BICRA: variants seen among roughly 807,000 people sequenced by gnomAD.
BICRA encodes the protein BRD4-interacting chromatin-remodeling complex-associated protein.
In BICRA, 31 loss-of-function variants were observed where a neutral mutation model predicts 96.9. The ratio of observed to expected loss-of-function variants is 0.32; its 90% confidence interval spans 0.24 to 0.43. The LOEUF (loss-of-function observed/expected upper bound fraction) is 0.43. BICRA is among the 20% of genes least tolerant of loss of function. BICRA has a pLI of 1.00. For missense variants in BICRA, 2,283 were observed against 2,190.3 expected, an observed-to-expected ratio of 1.04 and a Z score of -0.84; for synonymous variants, 1,350 against 1,071.8, an observed-to-expected ratio of 1.26 and a Z score of -5.07.
chr19:47,629,650 T>G (rs1972191369), intron 1 of BICRA, among the ~76,000 whole-genome samples: 1 of 149,156 alleles, frequency 6.7e-6, no homozygotes, highest in Non-Finnish European at 1.5e-5. Context: ...TGTGCAAATA[T>G]CTATTTTTTT....
At chr19:47,620,667 C>CA (rs10675281) in intron 1 of BICRA, among the ~76,000 whole-genome samples, 31,934 of 67,666 alleles carry the variant, frequency 0.47, 8,377 homozygotes, top group Middle Eastern at 0.6. Context: ...GAGACTGTCT[C>CA]AAAAAAAAAA....
intron 5 of BICRA, among the ~76,000 whole-genome samples, chr19:47,676,248 CAG>C (rs1317173586): frequency 6.6e-6 from 1 of 151,990 alleles, no homozygotes; most frequent in South Asian, 2.1e-4. Context: ...GTGGGGTTCA[CAG>C]GGGCACTCCT....
At position 47,701,488 on chromosome 19, in the gene BICRA, G is replaced by C. The variant is rs780098215; in HGVS notation, c.3756G>C (p.Gly1252=). Reference sequence around the variant, plus strand: ...CCAAGCTTGTGATCCGGCACGGCGGGGCAGGCGGCTCCCCTTCGGTCACCT... The same window carrying C: ...CCAAGCTTGTGATCCGGCACGGCGGCGCAGGCGGCTCCCCTTCGGTCACCT... ...LPTKLVIRHG[G]AGGSPSVTWA... is the part of the protein sequence containing the mutation. The change falls in exon 15 of 15, where the codon GGG becomes GGC. Residue 1252 remains glycine, a synonymous_variant. Coordinates refer to ENST00000594866, the MANE Select transcript of BICRA (RefSeq NM_001394372.1). This position sits in a 1 kb window ranked among gnomAD's most constrained non-coding sequence, Gnocchi z 5.4. 6.5e-7 allele frequency: 1 copy of C among 1,549,868 alleles called. No individual in the cohort carries two copies. The highest frequency in any genetic ancestry group is 8.7e-7 in the Non-Finnish European group (1 of 1,147,818).
chr19:47,689,248 A>G (rs918690973), intron 7 of BICRA, among the ~76,000 whole-genome samples: 1 of 151,838 alleles, frequency 6.6e-6, no homozygotes, highest in South Asian at 2.1e-4. Flanking sequence ...TTTTATTCAC[A>G]TAGTATGATC....
intron 1 of BICRA, among the ~76,000 whole-genome samples, chr19:47,642,836 T>C (rs188676584): frequency 1.1e-3 from 170 of 152,378 alleles, no homozygotes; most frequent in Non-Finnish European, 2.0e-3. Context: ...TATCAGTCTT[T>C]ATAATGTCAG....
chr19:47,686,637 G>A (rs1973163285), intron 7 of BICRA, among the ~76,000 whole-genome samples: 1 of 152,172 alleles, frequency 6.6e-6, no homozygotes, highest in Admixed American at 6.6e-5. Context: ...GCCCACCTTG[G>A]CCTCCCAAAG....
At chr19:47,644,956 GA>G (rs1208746577) in intron 1 of BICRA, among the ~76,000 whole-genome samples, 3 of 152,164 alleles carry the variant, frequency 2.0e-5, no homozygotes, top group African/African-American at 7.2e-5. Context: ...TCTCCTAAAC[GA>G]TTTGAGAGTA....
chr19:47,626,571 G>GTTTT (rs549577847), intron 1 of BICRA, among the ~76,000 whole-genome samples: 14 of 126,614 alleles, frequency 1.1e-4, no homozygotes, highest in African/African-American at 2.9e-4. Flanking sequence ...TAATTTTTTG[G>GTTTT]TTTTTTTTTT....
In BICRA at chr19:47,639,308, C is replaced by T. The variant is rs760387394; in HGVS notation, c.-108+30140C>T. Among the ~76,000 whole-genome samples, 26 of 149,746 alleles carry T rather than the reference C, an allele frequency of 1.7e-4. 1 individual carries two copies. Among genetic ancestry groups the T allele is most frequent in the Non-Finnish European group, 3.1e-4 (21 of 67,574 alleles). On this transcript the variant is annotated intron_variant, in intron 1 of 14. Transcript: ENST00000594866. Reference sequence around the variant, plus strand: ...TAAGTGTGAGCCATGATGCCTTGCACCCCACCCTGCATTTTTTTTTTTTTT... The same window carrying T: ...TAAGTGTGAGCCATGATGCCTTGCATCCCACCCTGCATTTTTTTTTTTTTT...
chr19:47,681,918 G>C, intron 6 of BICRA, 58 bp from the exon 7 acceptor site: 2 of 1,187,202 alleles, frequency 1.7e-6, no homozygotes, highest in East Asian at 2.6e-5. Context: ...GTCTCGGGTG[G>C]GGAGGTCGAG....
intron 1 of BICRA, among the ~76,000 whole-genome samples, chr19:47,646,986 C>T (rs1005934205): frequency 3.3e-5 from 5 of 152,150 alleles, no homozygotes; most frequent in African/African-American, 9.7e-5. Flanking sequence ...AACCACAAGT[C>T]TACTTTCTGG....
intron 14 of BICRA, chr19:47,700,599 G>T (rs573528579): frequency 6.6e-6 from 1 of 152,382 alleles, no homozygotes; most frequent in South Asian, 2.1e-4. Flanking sequence ...TGTGAGACCA[G>T]ACTGGGCAAC....
Position 47,682,172 on chromosome 19 carries a change from C to A in BICRA, c.2283+20C>A. On this transcript the variant is annotated intron_variant, in intron 7 of 14. Coordinates refer to ENST00000594866, the MANE Select transcript of BICRA (RefSeq NM_001394372.1). Reference sequence around the variant, plus strand: ...CCCCAGGTAGAGGGACCCCAGCAGCCTGTGTCCGCAGCACAGACCCAGCCT... The same window carrying A: ...CCCCAGGTAGAGGGACCCCAGCAGCATGTGTCCGCAGCACAGACCCAGCCT... 1.6e-6 allele frequency: 2 copies of A among 1,256,114 alleles called. No individual in the cohort carries two copies. The highest frequency in any genetic ancestry group is 2.2e-6 in the Non-Finnish European group (2 of 903,446). 77.8% of individuals were successfully genotyped at this position (1,256,114 alleles called of 1,614,324 possible).
intron 5 of BICRA, among the ~76,000 whole-genome samples, chr19:47,677,407 A>G (rs1168175309): frequency 6.6e-6 from 1 of 152,200 alleles, no homozygotes; most frequent in Non-Finnish European, 1.5e-5. Flanking sequence ...GCACTTAAAA[A>G]GCATTGAGGC....
At chr19:47,630,449 G>C (rs147228984) in intron 1 of BICRA, among the ~76,000 whole-genome samples, 5,479 of 152,132 alleles carry the variant, frequency 0.036, 143 homozygotes, top group Admixed American at 0.063. Context: ...TGGGATTACA[G>C]GTGTGAGCCA....
At chr19:47,681,541 A>G (rs996225802) in intron 6 of BICRA, among the ~76,000 whole-genome samples, 3 of 151,792 alleles carry the variant, frequency 2.0e-5, no homozygotes, top group Non-Finnish European at 1.5e-5. Context: ...GGACTGGCAG[A>G]CAGACAGACA....
intron 5 of BICRA, among the ~76,000 whole-genome samples, chr19:47,677,170 G>A (rs1298724337): frequency 6.6e-6 from 1 of 152,226 alleles, no homozygotes; most frequent in Non-Finnish European, 1.5e-5. Context: ...AATGAGTGAT[G>A]ATGATAGATG....
chr19:47,667,227 C>A (rs1248925477), intron 1 of BICRA, among the ~76,000 whole-genome samples: 4 of 152,134 alleles, frequency 2.6e-5, no homozygotes, highest in Non-Finnish European at 5.9e-5. Context: ...ACCATTCACA[C>A]AATGGTCTCG....
chr19:47,699,403 C>A lies in BICRA; in HGVS notation c.3593C>A (p.Pro1198Gln). ...GATAAACAGCTGGCCAAGGAGAAGCCGGGTGAGAGGGGGGAGTGAGAGGGG... is the reference window on the plus strand; with the variant it reads ...GATAAACAGCTGGCCAAGGAGAAGCAGGGTGAGAGGGGGGAGTGAGAGGGG... The part of the protein sequence containing the change: ...ALDKQLAKEK[P>Q]DEYVSSSRSL... Residue 1198 changes from proline to glutamine, a missense_variant and splice_region_variant, in exon 14 of 15, where the codon CCG becomes CAG. Transcript: ENST00000594866. The surrounding 1 kb of genome is among the most constrained non-coding windows in gnomAD (Gnocchi z 5.0). 13 of 1,506,496 alleles carry A rather than the reference C, an allele frequency of 8.6e-6. No individual in the cohort carries two copies. The highest frequency in any genetic ancestry group is 1.2e-5 in the Non-Finnish European group (13 of 1,103,834). The allele number at this position is 1,506,496 out of a possible 1,614,324, so 93.3% of individuals were successfully genotyped here.
Sources: allele counts gnomAD v4.1 joint callset (sites outside exome capture counted in the v4.1 genomes callset), GRCh38; gene constraint gnomAD v4.1.1; non-coding constraint Gnocchi (gnomAD v3.1); transcripts MANE v1.5; gene names NCBI Gene and HGNC (gene_info 2026-07-23, HGNC 2026-07-21).